RAD9A: variants seen among roughly 807,000 people sequenced by gnomAD.
The protein encoded by RAD9A is cell cycle checkpoint control protein RAD9A.
Under a neutral mutation model 41.2 loss-of-function variants are expected in RAD9A, and 25 were observed. The observed-to-expected ratio is 0.61, with a 90% CI of 0.44 to 0.85. The LOEUF (loss-of-function observed/expected upper bound fraction) is 0.85. Among genes scored for constraint, RAD9A ranks in the 40% least tolerant of loss-of-function variants. The pLI, the probability that RAD9A is intolerant of heterozygous loss-of-function variation, is 0.00. For missense variants in RAD9A, 514 were observed against 518.3 expected (o/e 0.99, Z 0.08); for synonymous variants, 252 against 210.6 (o/e 1.20, Z -1.70).
In RAD9A at chr11:67,397,301, A is replaced by G. The variant is rs1038992501; in HGVS notation, c.995A>G (p.Gln332Arg). Residue 332 changes from glutamine (Q) to arginine (R), a missense_variant, in exon 10 of 11, where the codon CAG becomes CGG. By Grantham distance (43) the Gln-to-Arg change is conservative (BLOSUM62 1). Around this residue, in one of 3 missense-constraint regions of RAD9A, gnomAD observed 216 missense variants for 184.2 expected, o/e 1.17. Coordinates refer to ENST00000307980, the MANE Select transcript of RAD9A (RefSeq NM_004584.3). ...TCCATTTCCCTTTCACCTGGCCCCC[A>G]GCCCCCCAAGAGCCCCGGTCCCCAC... is the stretch of plus-strand genomic sequence containing the variant. Reference protein sequence around the residue: ...LPSISLSPGPQPPKSPGPHSE... With the variant: ...LPSISLSPGPRPPKSPGPHSE... The G allele has an allele frequency of 9.6e-7, 1 of 1,045,632 alleles. No homozygotes were observed. The highest frequency in any genetic ancestry group is 1.3e-6 in the Non-Finnish European group (1 of 741,140). 64.8% of individuals were successfully genotyped at this position (1,045,632 alleles called of 1,614,324 possible). A position where few individuals can be genotyped will look rare whatever the true frequency, so the allele number is the denominator to read the frequency against.
At chr11:67,395,667 G>A (rs749114379) in intron 5 of RAD9A, 49 bp from the exon 6 acceptor site, 3 of 1,451,320 alleles carry the variant, frequency 2.1e-6, no homozygotes, top group South Asian at 2.4e-5. Flanking sequence ...CGAGAGCAAA[G>A]CCCTGGGCAG....
At chr11:67,397,002 C>G (rs1039872084) in intron 9 of RAD9A, among the ~76,000 whole-genome samples, 177 bp from the exon 10 acceptor site, 10 of 152,204 alleles carry the variant, frequency 6.6e-5, no homozygotes, top group Non-Finnish European at 1.5e-4. Context: ...TGGCCCACCC[C>G]CTCCAGGAAG....
chr11:67,394,615 G>C (rs1466257158), intron 5 of RAD9A, among the ~76,000 whole-genome samples: 3 of 151,752 alleles, frequency 2.0e-5, no homozygotes, highest in African/African-American at 7.3e-5. Context: ...TCTGCATTTA[G>C]GGTGGTGTCT....
chr11:67,392,928 TA>T, intron 3 of RAD9A, 146 bp downstream of exon 3: 1 of 1,175,584 alleles, frequency 8.5e-7, no homozygotes, highest in Non-Finnish European at 1.2e-6. Context: ...AGGGCCATGG[TA>T]AAAGCATCAC....
chr11:67,392,012 C>T lies in RAD9A; in HGVS notation c.-33C>T, dbSNP rs1396903827. 2.6e-6 allele frequency: 4 copies of T among 1,547,632 alleles called. No homozygotes were observed. The highest frequency in any genetic ancestry group is 1.9e-5 in the Admixed American group (1 of 51,382). On this transcript the variant is annotated 5_prime_UTR_variant, in exon 1 of 11. Transcript: ENST00000307980. ...GACCCGGAGGTCGCGGAGAGCTGGGCAGTGTTGGCCGCTGGCGGAGCGCTG... is the reference window on the plus strand; with the variant it reads ...GACCCGGAGGTCGCGGAGAGCTGGGTAGTGTTGGCCGCTGGCGGAGCGCTG...
intron 5 of RAD9A, among the ~76,000 whole-genome samples, chr11:67,394,808 G>A (rs1041894767): frequency 6.7e-6 from 1 of 149,396 alleles, no homozygotes; most frequent in African/African-American, 2.5e-5. Flanking sequence ...TAGAGACAGG[G>A]TTTCTCCATG....
Position 67,393,498 on chromosome 11 carries a change from T to C in RAD9A, c.237T>C (p.Ser79=), listed in dbSNP as rs1307111421. The C allele has an allele frequency of 3.1e-6, 5 of 1,614,154 alleles. No individual in the cohort carries two copies. Among genetic ancestry groups the C allele is most frequent in the South Asian group, 2.2e-5 (2 of 91,084 alleles). The change falls in exon 4 of 11, where the codon TCT becomes TCC. Residue 79 remains serine, a splice_region_variant and synonymous_variant. Coordinates refer to ENST00000307980, the MANE Select transcript of RAD9A (RefSeq NM_004584.3). The part of the protein sequence containing the change: ...DLLRCKILMK[S]FLSVFRSLAM... ...CTGAGGTGTCTTATCCCATGCAGTC[T>C]TTCCTGTCTGTCTTCCGCTCACTGG... is the stretch of plus-strand genomic sequence containing the variant.
At chr11:67,393,122 A>T (rs1862579746) in intron 3 of RAD9A, 1 of 404,686 alleles carries the variant, frequency 2.5e-6, no homozygotes, top group Admixed American at 4.2e-5. Flanking sequence ...TCTACTAAAA[A>T]TACAAAAATT....
At chr11:67,395,360 C>G (rs1347142439) in intron 5 of RAD9A, 1 of 269,028 alleles carries the variant, frequency 3.7e-6, no homozygotes, top group Admixed American at 5.0e-5. Context: ...ACGCAGCTCC[C>G]GTCCCCACTT....
In RAD9A at chr11:67,395,780, C is replaced by G; in HGVS notation, c.514C>G (p.Arg172Gly). The change falls in exon 6 of 11, where the codon CGT (arginine) becomes GGT (glycine). Residue 172 changes from arginine (R) to glycine (G), a missense_variant. By Grantham distance (125) the Arg-to-Gly change is moderately radical. Transcript: ENST00000307980. ...GGCTGAAGTGACGCTGGGCATTGGC[C>G]GTGGCCGCAGGGTCATCCTGCGCAG... Reference protein sequence around the residue: ...ALAEVTLGIGRGRRVILRSYH... With the variant: ...ALAEVTLGIGGGRRVILRSYH... 2 of 1,613,838 alleles carry G rather than the reference C, an allele frequency of 1.2e-6. No individual in the cohort carries two copies. The highest frequency in any genetic ancestry group is 1.7e-6 in the Non-Finnish European group (2 of 1,179,956).
At position 67,392,248 on chromosome 11, in the gene RAD9A, T is replaced by TGGGGG; in HGVS notation, c.105+19_105+23dup. 2 of 321,846 alleles carry TGGGGG rather than the reference T, an allele frequency of 6.2e-6. No homozygotes were observed. The highest frequency in any genetic ancestry group is 1.2e-5 in the Non-Finnish European group (2 of 162,532). 19.9% of individuals were successfully genotyped at this position (321,846 alleles called of 1,614,324 possible). A position where few individuals can be genotyped will look rare whatever the true frequency, so the allele number is the denominator to read the frequency against. ...GAGGACGGGGTGAGGGGCTAGGGTGTGGGGGGCGGGTGGGACTCCAGCCGG... is the reference window on the plus strand; with the variant it reads ...GAGGACGGGGTGAGGGGCTAGGGTGTGGGGGGGGGGGCGGGTGGGACTCCAGCCGG... On this transcript the variant is annotated intron_variant, in intron 2 of 10. Coordinates refer to ENST00000307980, the MANE Select transcript of RAD9A (RefSeq NM_004584.3).
At position 67,397,448 on chromosome 11, in the gene RAD9A, C is replaced by G. The variant is rs776220745; in HGVS notation, c.1081-16C>G. ...GGAAGGGAGCAGCCTCCAGAACTCA[C>G]TTGTTCTCTTTCCAGTTCCGCTCAC... On this transcript the variant is annotated splice_polypyrimidine_tract_variant and intron_variant, in intron 10 of 10. Transcript: ENST00000307980. 3 of 1,603,130 alleles carry G rather than the reference C, an allele frequency of 1.9e-6. No individual in the cohort carries two copies. The African/African-American group carries it at 4.0e-5, about 21-fold the overall frequency.
At position 67,398,349 on chromosome 11, in the gene RAD9A, A is replaced by G. The variant is rs1406501325; in HGVS notation, c.*790A>G. 1 of 641,950 alleles carries G rather than the reference A, an allele frequency of 1.6e-6. No individual in the cohort carries two copies. Among genetic ancestry groups the G allele is most frequent in the Non-Finnish European group, 2.6e-6 (1 of 381,760 alleles). The allele number at this position is 641,950 out of a possible 1,614,324, so 39.8% of individuals were successfully genotyped here. A position where few individuals can be genotyped will look rare whatever the true frequency, so the allele number is the denominator to read the frequency against. ...GCTCACAGTCACCGCAGGTGCAGGC[A>G]GGAAGCAGCCCTGGGGGACTGGACG... On this transcript the variant is annotated 3_prime_UTR_variant, in exon 11 of 11. Transcript: ENST00000307980.
intron 9 of RAD9A, 27 bp from the exon 10 acceptor site, chr11:67,397,148 CCCCT>C: frequency 6.4e-7 from 1 of 1,555,838 alleles, no homozygotes; most frequent in Admixed American, 1.7e-5. Context: ...CTCCCCCAGT[CCCCT>C]CCCTGATACT....
Position 67,397,469 on chromosome 11 carries a change from C to T in RAD9A, c.1086C>T (p.Arg362=). Residue 362 remains arginine, a synonymous_variant, in exon 11 of 11, where the codon CGC becomes CGT. Coordinates refer to ENST00000307980, the MANE Select transcript of RAD9A (RefSeq NM_004584.3). Reference sequence around the variant, plus strand: ...CTCACTTGTTCTCTTTCCAGTTCCGCTCACTGTTCTTCGGCTCCATCCTGG... The same window carrying T: ...CTCACTTGTTCTCTTTCCAGTTCCGTTCACTGTTCTTCGGCTCCATCCTGG... ...VPGTPPPKKF[R]SLFFGSILAP... is the part of the protein sequence containing the mutation. The T allele has an allele frequency of 6.2e-7, 1 of 1,611,024 alleles. No homozygotes were observed. Among genetic ancestry groups the T allele is most frequent in the African/African-American group, 1.3e-5 (1 of 74,932 alleles).
At chr11:67,392,881 G>C in intron 3 of RAD9A, 99 bp downstream of exon 3, 6 of 1,472,164 alleles carry the variant, frequency 4.1e-6, no homozygotes, top group Non-Finnish European at 4.7e-6. Context: ...AGTGGGGAGA[G>C]AGACACGTGC....
Position 67,392,028 on chromosome 11 carries a change from C to A in RAD9A, c.-17C>A. ...AGAGCTGGGCAGTGTTGGCCGCTGG[C>A]GGAGCGCTGGGGCAGCATGAAGTGC... is the stretch of plus-strand genomic sequence containing the variant. On this transcript the variant is annotated 5_prime_UTR_variant, in exon 1 of 11. Coordinates refer to ENST00000307980, the MANE Select transcript of RAD9A (RefSeq NM_004584.3). 6.4e-7 allele frequency: 1 copy of A among 1,557,624 alleles called. No homozygotes were observed. The highest frequency in any genetic ancestry group is 8.7e-7 in the Non-Finnish European group (1 of 1,153,690).
At chr11:67,395,457 C>T (rs1862654719) in intron 5 of RAD9A, 1 of 495,236 alleles carries the variant, frequency 2.0e-6, no homozygotes, top group South Asian at 3.4e-5. Flanking sequence ...TTTCTGAAGG[C>T]CGGGTTTGTA....
chr11:67,392,906 C>A, intron 3 of RAD9A, 124 bp downstream of exon 3: 1 of 1,308,654 alleles, frequency 7.6e-7, no homozygotes, highest in Non-Finnish European at 1.1e-6. Context: ...CCAATCCATG[C>A]AAAACACAGG....
Sources: gnomAD v4.1 joint callset for allele counts (sites outside exome capture counted in the v4.1 genomes callset) on GRCh38, gnomAD v4.1.1 for gene constraint, gnomAD v4.1.1 regional missense constraint, MANE v1.5 for transcripts, NCBI Gene and HGNC (gene_info 2026-07-23, HGNC 2026-07-21) for gene names.